The following PCDHGA1 variants were observed in gnomAD, a reference collection of about 807,000 sequenced individuals.
PCDHGA1 encodes protocadherin gamma-A1.
PCDHGA1 carries 32 observed loss-of-function variants against 58.0 expected under a neutral mutation model. The observed-to-expected ratio is 0.55, with a 90% CI of 0.42 to 0.74. The LOEUF (loss-of-function observed/expected upper bound fraction) is 0.74. Among genes scored for constraint, PCDHGA1 ranks in the 30% least tolerant of loss-of-function variants. PCDHGA1 has a pLI of 0.00. For missense variants in PCDHGA1, 1,205 were observed against 1,182.3 expected (o/e 1.02, Z -0.28); for synonymous variants, 498 against 501.1 (o/e 0.99, Z 0.08).
chr5:141,480,429 T>C (rs72790066), intron 1 of PCDHGA1, among the ~76,000 whole-genome samples: 4 of 151,864 alleles, frequency 2.6e-5, no homozygotes, highest in African/African-American at 9.7e-5. Flanking sequence ...AAAAAAATTA[T>C]CAGCTATTAC....
chr5:141,432,178 T>C lies in PCDHGA1; in HGVS notation c.2422-62629T>C. Reference sequence around the variant, plus strand: ...ATCCCAGAGGAGTTTCCCTCGTCTCTGTGACCGCCCACGACCCCGACTGTG... The same window carrying C: ...ATCCCAGAGGAGTTTCCCTCGTCTCCGTGACCGCCCACGACCCCGACTGTG... On this transcript the variant is annotated intron_variant, in intron 1 of 3. Transcript: ENST00000517417. The surrounding 1 kb of genome is among the most constrained non-coding windows in gnomAD (Gnocchi z 6.0). 6.2e-7 allele frequency: 1 copy of C among 1,614,184 alleles called. No individual in the cohort carries two copies. The highest frequency in any genetic ancestry group is 8.5e-7 in the Non-Finnish European group (1 of 1,180,036).
intron 1 of PCDHGA1, chr5:141,341,391 C>A: frequency 1.2e-6 from 2 of 1,614,206 alleles, no homozygotes; most frequent in Non-Finnish European, 1.7e-6. Context: ...GAAACGTTTT[C>A]TCAGGTAATC....
intron 1 of PCDHGA1, chr5:141,393,203 C>T (rs988866288): frequency 6.2e-7 from 1 of 1,613,514 alleles, no homozygotes; most frequent in Admixed American, 1.7e-5. Context: ...ACGATAATAA[C>T]CCAAAATTCC....
At chr5:141,350,662 C>T in intron 1 of PCDHGA1, 2 of 1,614,012 alleles carry the variant, frequency 1.2e-6, no homozygotes, top group Non-Finnish European at 1.7e-6. Context: ...TTGCAAAAGG[C>T]ATTGACTTAG....
At chr5:141,399,597 C>A in intron 1 of PCDHGA1, 3 of 1,613,958 alleles carry the variant, frequency 1.9e-6, no homozygotes, top group Non-Finnish European at 2.5e-6. Context: ...TCATGGCCAG[C>A]GACCTAGAGC....
chr5:141,393,477 C>T (rs1561642767), intron 1 of PCDHGA1: 1 of 1,614,040 alleles, frequency 6.2e-7, no homozygotes, highest in African/African-American at 1.3e-5. Context: ...CAAGCCGCCT[C>T]GCTCTAGCAC....
At chr5:141,427,946 T>A (rs769401863) in intron 1 of PCDHGA1, 1 of 1,586,550 alleles carries the variant, frequency 6.3e-7, no homozygotes, top group Middle Eastern at 1.7e-4. Flanking sequence ...GCGACCTCAA[T>A]GACAATGTGC....
chr5:141,422,883 C>A, intron 1 of PCDHGA1: 1 of 1,614,242 alleles, frequency 6.2e-7, no homozygotes, highest in Non-Finnish European at 8.5e-7. Flanking sequence ...TGAGCCTGTT[C>A]GTGCTGGACC....
chr5:141,345,101 C>A (rs1180521543), intron 1 of PCDHGA1: 1 of 1,613,832 alleles, frequency 6.2e-7, no homozygotes, highest in Non-Finnish European at 8.5e-7. Flanking sequence ...CAAGCTCAGT[C>A]CCAGAAGAGG....
chr5:141,419,454 T>A (rs1191326733), intron 1 of PCDHGA1: 1 of 1,612,786 alleles, frequency 6.2e-7, no homozygotes, highest in Non-Finnish European at 8.5e-7. Flanking sequence ...GAGCTCACGC[T>A]GCAGGCCCGC....
chr5:141,385,141 G>A (rs1183220869), intron 1 of PCDHGA1: 30 of 1,614,084 alleles, frequency 1.9e-5, no homozygotes, highest in African/African-American at 6.7e-5. Context: ...CGGGGTGCAG[G>A]CTTTCCTGCA....
chr5:141,415,657 G>A, intron 1 of PCDHGA1: 1 of 1,576,236 alleles, frequency 6.3e-7, no homozygotes, highest in Non-Finnish European at 8.6e-7. Flanking sequence ...AAAAAAGATT[G>A]GTTTTTACTT....
intron 1 of PCDHGA1, chr5:141,357,283 G>A (rs1331932822): frequency 6.2e-7 from 1 of 1,613,948 alleles, no homozygotes; most frequent in East Asian, 2.2e-5. Context: ...CTATCTCGTG[G>A]TGGCAGTGGC....
chr5:141,386,522 C>CG (rs1554089719), intron 1 of PCDHGA1, among the ~76,000 whole-genome samples: 3 of 152,174 alleles, frequency 2.0e-5, no homozygotes, highest in Admixed American at 2.0e-4. Context: ...CAAAAAAAGA[C>CG]TCTTTTTAGA....
At chr5:141,340,486 C>T (rs1756949157) in intron 1 of PCDHGA1, 12 of 1,614,240 alleles carry the variant, frequency 7.4e-6, no homozygotes, top group East Asian at 4.5e-5. Flanking sequence ...CCTCTTACAT[C>T]TCTATCAACT....
chr5:141,421,201 C>A, intron 1 of PCDHGA1: 3 of 1,518,204 alleles, frequency 2.0e-6, no homozygotes, highest in Non-Finnish European at 2.6e-6. Context: ...GCTCGAGAAA[C>A]CGCGGAATAT....
chr5:141,427,999 T>A, intron 1 of PCDHGA1: 1 of 1,601,186 alleles, frequency 6.2e-7, no homozygotes, highest in Non-Finnish European at 8.5e-7. Context: ...GGCTCCGCAC[T>A]CTTCGATATA....
chr5:141,365,142 A>T (rs1168867612), intron 1 of PCDHGA1: 2 of 1,613,832 alleles, frequency 1.2e-6, no homozygotes, highest in Non-Finnish European at 1.7e-6. Flanking sequence ...GATCCAGATG[A>T]GGGAATAAAC....
rs2097383894 is a variant in PCDHGA1, at chr5:141,431,489, C to T, written c.2422-63318C>T. On this transcript the variant is annotated intron_variant, in intron 1 of 3. Transcript: ENST00000517417. This position sits in a 1 kb window ranked among gnomAD's most constrained non-coding sequence, Gnocchi z 4.8. ...GAACGACAACGCACCAGCGTTTGCTCAGCCCGAGTACCGCGCGAGCGTTCC... is the reference window on the plus strand; with the variant it reads ...GAACGACAACGCACCAGCGTTTGCTTAGCCCGAGTACCGCGCGAGCGTTCC... The T allele has an allele frequency of 1.2e-6, 2 of 1,613,850 alleles. No homozygotes were observed. The highest frequency in any genetic ancestry group is 3.3e-5 in the Admixed American group (2 of 60,016).
Sources: gnomAD v4.1 joint callset for allele counts (sites outside exome capture counted in the v4.1 genomes callset) on GRCh38, gnomAD v4.1.1 for gene constraint, Gnocchi (gnomAD v3.1) non-coding constraint, MANE v1.5 for transcripts, NCBI Gene and HGNC (gene_info 2026-07-23, HGNC 2026-07-21) for gene names.